PDXDC1: variants seen among roughly 807,000 people sequenced by gnomAD.
PDXDC1 encodes pyridoxal-dependent decarboxylase domain-containing protein 1.
PDXDC1 carries 42 observed loss-of-function variants against 100.1 expected under a neutral mutation model. The observed-to-expected ratio is 0.42, with a 90% CI of 0.33 to 0.54. The LOEUF is 0.54. Ranked by LOEUF, PDXDC1 falls within the 20% of genes least tolerant of loss-of-function variation. The pLI, the probability that PDXDC1 is intolerant of heterozygous loss-of-function variation, is 0.10. For missense variants in PDXDC1, 636 were observed against 979.2 expected, an observed-to-expected ratio of 0.65 and a Z score of 4.68; for synonymous variants, 260 against 371.7, an observed-to-expected ratio of 0.70 and a Z score of 3.46.
chr16:15,081,582 T>C (rs1597963175), intron 16 of PDXDC1, among the ~76,000 whole-genome samples: 2 of 152,332 alleles, frequency 1.3e-5, no homozygotes, highest in Middle Eastern at 6.8e-3. Context: ...ACAAGTCCAT[T>C]ACCAGACATA....
At chr16:15,132,058 GAT>G (rs2048099637) in intron 16 of PDXDC1, among the ~76,000 whole-genome samples, 1 of 4,964 alleles carries the variant, frequency 2.0e-4, no homozygotes, top group East Asian at 4.1e-3. Context: ...GGATAAGAAA[GAT>G]GAGGGGAATG....
In PDXDC1 at chr16:15,133,174, A is replaced by T. The variant is rs2048190522; in HGVS notation, c.1400-5705A>T. On this transcript the variant is annotated intron_variant, in intron 16 of 16. Coordinates refer to the PDXDC1 transcript ENST00000535621. ...GGATTTATCTCTGGGGCCCGGGATA[A>T]GCCCTCCGCAAAGCTCCAGGCAGGG... The T allele has an allele frequency of 4.3e-6, 4 of 940,342 alleles. No homozygotes were observed. In the Admixed American group the frequency reaches 6.0e-5, roughly 14 times the overall value. 58.2% of individuals were successfully genotyped at this position (940,342 alleles called of 1,614,324 possible).
intron 1 of PDXDC1, among the ~76,000 whole-genome samples, chr16:14,986,672 T>G (rs181760926): frequency 2.4e-3 from 366 of 152,288 alleles, no homozygotes; most frequent in African/African-American, 8.4e-3. Flanking sequence ...GTCTAAATTC[T>G]CAGCAATTAG....
intron 5 of PDXDC1, among the ~76,000 whole-genome samples, chr16:15,005,060 TAGAA>T (rs1204497219): frequency 1.3e-5 from 2 of 152,260 alleles, no homozygotes; most frequent in Admixed American, 6.5e-5. Flanking sequence ...GTGTTTTTAT[TAGAA>T]AGAAAACTCT....
intron 1 of PDXDC1, among the ~76,000 whole-genome samples, chr16:14,985,271 T>C (rs1197298753): frequency 2.6e-5 from 4 of 151,692 alleles, no homozygotes; most frequent in South Asian, 4.2e-4. Flanking sequence ...TTGGAAGATA[T>C]GATAAACAAC....
At chr16:14,986,367 G>A (rs553504136) in intron 1 of PDXDC1, among the ~76,000 whole-genome samples, 3 of 152,272 alleles carry the variant, frequency 2.0e-5, no homozygotes, top group East Asian at 3.9e-4. Context: ...TACTCAGGAG[G>A]CTGAGGCAGC....
intron 16 of PDXDC1, chr16:15,084,731 G>A (rs750009133): frequency 1.3e-6 from 2 of 1,583,848 alleles, no homozygotes; most frequent in Non-Finnish European, 1.7e-6. Context: ...TTCAGAGTAT[G>A]AGCATCAAAA....
At chr16:14,993,300 ACCCC>A in intron 1 of PDXDC1, among the ~76,000 whole-genome samples, 1 of 86,644 alleles carries the variant, frequency 1.2e-5, no homozygotes, top group South Asian at 4.5e-4. Flanking sequence ...CCCTCCCCCC[ACCCC>A]ACAACAAGCA....
downstream of PDXDC1, among the ~76,000 whole-genome samples, chr16:15,039,681 G>A (rs1328574631): frequency 6.6e-6 from 1 of 152,138 alleles, no homozygotes; most frequent in African/African-American, 2.4e-5. Context: ...TTATAGAAAA[G>A]CTCTTACAAA....
rs767538306 is a variant in PDXDC1, at chr16:15,036,185, G to A, written c.2277G>A (p.Gln759=). 6.2e-7 allele frequency: 1 copy of A among 1,614,148 alleles called. No homozygotes were observed. Among genetic ancestry groups the A allele is most frequent in the Non-Finnish European group, 8.5e-7 (1 of 1,180,026 alleles). ...GACACCCAGGGGCTCCCAGCCCTCA[G>A]CACACCGACCAGACCGAGGCCTTCC... ...TEGHPGAPSP[Q]HTDQTEAFQK... The change falls in exon 23 of 23, where the codon CAG becomes CAA. Residue 759 remains glutamine (Q), a synonymous_variant. Transcript: ENST00000396410.
At chr16:15,099,122 A>T (rs2046455133) in intron 16 of PDXDC1, among the ~76,000 whole-genome samples, 1 of 151,856 alleles carries the variant, frequency 6.6e-6, no homozygotes, top group African/African-American at 2.4e-5. Flanking sequence ...AACTCTGAGC[A>T]TTATACAAGA....
chr16:15,093,149 C>T (rs1360790811), intron 16 of PDXDC1, among the ~76,000 whole-genome samples: 1 of 152,252 alleles, frequency 6.6e-6, no homozygotes, highest in East Asian at 1.9e-4. Flanking sequence ...GGATTACAGG[C>T]ACCTGCCACC....
At chr16:15,137,664 G>A (rs528428563) in intron 16 of PDXDC1, 3 of 1,238,696 alleles carry the variant, frequency 2.4e-6, no homozygotes, top group Non-Finnish European at 2.3e-6. Context: ...CCCCCCCAGA[G>A]AGGCCTTCCT....
chr16:15,044,270 C>T (rs1191466658), intron 16 of PDXDC1: 1 of 1,165,572 alleles, frequency 8.6e-7, no homozygotes, highest in Non-Finnish European at 1.3e-6. Context: ...GGATTTTTAA[C>T]CCAAGCAAAT....
At chr16:14,987,524 ACT>A (rs1316297383) in intron 1 of PDXDC1, among the ~76,000 whole-genome samples, 3 of 152,294 alleles carry the variant, frequency 2.0e-5, no homozygotes, top group Admixed American at 2.0e-4. Flanking sequence ...TTGAATATTT[ACT>A]CTGTGTCTGA....
At chr16:15,097,050 C>A (rs887390909) in intron 16 of PDXDC1, among the ~76,000 whole-genome samples, 1 of 151,940 alleles carries the variant, frequency 6.6e-6, no homozygotes, top group African/African-American at 2.4e-5. Context: ...TAACTTGAAG[C>A]CAGGAGTTTG....
chr16:15,035,346 G>A (rs1268643135), intron 21 of PDXDC1, 103 bp from the exon 22 acceptor site: 2 of 577,888 alleles, frequency 3.5e-6, no homozygotes, highest in Non-Finnish European at 6.0e-6. Context: ...AGGCTCAGTG[G>A]CTGGAAGGAG....
intron 16 of PDXDC1, among the ~76,000 whole-genome samples, chr16:15,077,387 C>G (rs539609956): frequency 5.3e-5 from 8 of 152,160 alleles, no homozygotes; most frequent in African/African-American, 1.4e-4. Context: ...ATACTGTTCT[C>G]GTGATAGTGA....
At chr16:15,064,346 T>C (rs2044861882) in intron 16 of PDXDC1, among the ~76,000 whole-genome samples, 1 of 152,170 alleles carries the variant, frequency 6.6e-6, no homozygotes, top group Non-Finnish European at 1.5e-5. Context: ...AGCTAATTTT[T>C]GTATTTTTAG....
Sources: gnomAD v4.1 joint callset for allele counts (sites outside exome capture counted in the v4.1 genomes callset) on GRCh38, gnomAD v4.1.1 for gene constraint, MANE v1.5 for transcripts, NCBI Gene and HGNC (gene_info 2026-07-23, HGNC 2026-07-21) for gene names.